Variants in KLF16 observed in about 807,000 individuals in gnomAD.
KLF16 encodes the protein Krueppel-like factor 16.
Under a neutral mutation model 6.1 loss-of-function variants are expected in KLF16, and 6 were observed. The ratio of observed to expected loss-of-function variants is 0.98; its 90% CI spans 0.54 to 1.93. The LOEUF is 1.93. Ranked by LOEUF, KLF16 falls within the 30% of genes most tolerant of loss-of-function variation. The pLI is 0.01. For missense variants in KLF16, 355 were observed against 363.8 expected, an observed-to-expected ratio of 0.98 and a Z score of 0.20; for synonymous variants, 211 against 176.5, an observed-to-expected ratio of 1.20 and a Z score of -1.55.
intron 1 of KLF16, among the ~76,000 whole-genome samples, chr19:1,856,787 T>C (rs544844493): frequency 1.3e-5 from 2 of 152,250 alleles, no homozygotes; most frequent in Admixed American, 6.5e-5. Context: ...TGCCGCCGTG[T>C]CGCCATCTTG....
chr19:1,858,517 C>G (rs1375913523), intron 1 of KLF16, among the ~76,000 whole-genome samples: 2 of 152,184 alleles, frequency 1.3e-5, no homozygotes. Flanking sequence ...ACGGCTGGGT[C>G]CCCGGCAATG....
chr19:1,863,547 G>C lies in KLF16; in HGVS notation c.-50C>G, dbSNP rs1180759738. The C allele has an allele frequency of 4.4e-6, 4 of 911,614 alleles. No homozygotes were observed. Among genetic ancestry groups the C allele is most frequent in the Non-Finnish European group, 5.2e-6 (4 of 764,916 alleles). 56.5% of individuals were successfully genotyped at this position (911,614 alleles called of 1,614,324 possible). On this transcript the variant is annotated 5_prime_UTR_variant, in exon 1 of 2. Coordinates refer to ENST00000250916, the MANE Select transcript of KLF16 (RefSeq NM_031918.4). ...CGGGCGGAGCGGAGGCGGCGGGAGC[G>C]GCGTCCGTCCGGCCGGCGGCGGCTG...
the KLF16 span, among the ~76,000 whole-genome samples, chr19:1,870,479 C>G: frequency 6.6e-6 from 1 of 151,748 alleles, no homozygotes; most frequent in African/African-American, 2.4e-5. Context: ...CGAGACCAGC[C>G]TGGGCAACAA....
chr19:1,872,820 G>A, the KLF16 span, among the ~76,000 whole-genome samples: 157 of 149,348 alleles, frequency 1.1e-3, no homozygotes, highest in African/African-American at 3.8e-3. Context: ...TGTGAAGATC[G>A]ACGTGGCCCG....
In KLF16 at chr19:1,852,957, C is replaced by T. The variant is rs1026938570; in HGVS notation, c.*1502G>A. 3 of 152,220 alleles carry T rather than the reference C, an allele frequency of 2.0e-5. No individual in the cohort carries two copies. The highest frequency in any genetic ancestry group is 4.4e-5 in the Non-Finnish European group (3 of 68,094). The allele number at this position is 152,220 out of a possible 1,614,324, so 9.4% of individuals were successfully genotyped here. A position where few individuals can be genotyped will look rare whatever the true frequency, so the allele number is the denominator to read the frequency against. ...CATCCAAAGCCCCCCTGTCCCCAAG[C>T]GAGAGGCAGGACGGTTCTGGAACAA... On this transcript the variant is annotated 3_prime_UTR_variant, in exon 2 of 2. Transcript: ENST00000250916.
In KLF16 at chr19:1,857,710, G is replaced by A. The variant is rs570146745; in HGVS notation, c.458-2950C>T. ...GCCGGCTGCCTGCCGGGGCACTCAC[G>A]TCCACCTAACAGGTGGGGTCGGGTC... On this transcript the variant is annotated intron_variant, in intron 1 of 1. Transcript: ENST00000250916. This position sits in a 1 kb window ranked among gnomAD's most constrained non-coding sequence, Gnocchi z 4.7. Among the ~76,000 whole-genome samples the A allele has an allele frequency of 2.6e-5, 4 of 152,004 alleles. No homozygotes were observed. Among genetic ancestry groups the A allele is most frequent in the Non-Finnish European group, 4.4e-5 (3 of 67,932 alleles).
chr19:1,865,809 G>A (rs1472987625), upstream of KLF16, among the ~76,000 whole-genome samples: 2 of 152,206 alleles, frequency 1.3e-5, no homozygotes, highest in African/African-American at 2.4e-5. Context: ...GGTGAACACA[G>A]ACAAACCTCC....
At chr19:1,867,679 G>A (rs1408898611), upstream of KLF16, among the ~76,000 whole-genome samples, 2 of 152,010 alleles carry the variant, frequency 1.3e-5, no homozygotes, top group African/African-American at 4.8e-5. Flanking sequence ...CAGCCTGGTC[G>A]ACATGATGAA....
intron 1 of KLF16, among the ~76,000 whole-genome samples, chr19:1,855,472 G>A (rs1007843134): frequency 1.2e-4 from 18 of 152,182 alleles, no homozygotes; most frequent in African/African-American, 4.1e-4. Context: ...GGCTGGACTC[G>A]CCCCACCCCC....
Position 1,853,218 on chromosome 19 carries a change from A to C in KLF16, c.*1241T>G, listed in dbSNP as rs1568730521. ...TCAGAGACCCCCCACACACACTCAC[A>C]CCCCCTGAGGATGCCGGACCACCCA... On this transcript the variant is annotated 3_prime_UTR_variant, in exon 2 of 2. Transcript: ENST00000250916. 2 of 144,220 alleles carry C rather than the reference A, an allele frequency of 1.4e-5. No individual in the cohort carries two copies. The highest frequency in any genetic ancestry group is 2.2e-4 in the South Asian group (1 of 4,466). 8.9% of individuals were successfully genotyped at this position (144,220 alleles called of 1,614,324 possible).
At chr19:1,873,595 T>C in the KLF16 span, among the ~76,000 whole-genome samples, 1 of 151,856 alleles carries the variant, frequency 6.6e-6, no homozygotes, top group Non-Finnish European at 1.5e-5. Context: ...GGGAGAACGC[T>C]GTTGCAGGGC....
the KLF16 span, among the ~76,000 whole-genome samples, chr19:1,876,323 C>A: frequency 2.0e-5 from 3 of 152,244 alleles, no homozygotes; most frequent in African/African-American, 2.4e-5. Context: ...GCCTCGCCAC[C>A]GCCTGGTCGC....
chr19:1,867,968 G>C (rs561477406), upstream of KLF16, among the ~76,000 whole-genome samples: 1 of 151,754 alleles, frequency 6.6e-6, no homozygotes, highest in African/African-American at 2.4e-5. Context: ...GTGTGCGTGC[G>C]CGCATGCACT....
At chr19:1,864,872 C>G (rs998083092), upstream of KLF16, among the ~76,000 whole-genome samples, 1 of 152,206 alleles carries the variant, frequency 6.6e-6, no homozygotes, top group Non-Finnish European at 1.5e-5. Context: ...CTTCCCAGCT[C>G]CGGCGGGGCG....
chr19:1,856,187 G>A (rs12974664), intron 1 of KLF16, among the ~76,000 whole-genome samples: 58,907 of 151,906 alleles, frequency 0.39, 13,446 homozygotes, highest in Non-Finnish European at 0.53. Context: ...GTACAGAGAC[G>A]GCGGGAGGGG....
chr19:1,874,303 G>A, the KLF16 span, among the ~76,000 whole-genome samples: 1 of 152,160 alleles, frequency 6.6e-6, no homozygotes, highest in African/African-American at 2.4e-5. Context: ...TGGGGTTCTG[G>A]AAAACTGGGA....
At chr19:1,866,794 AGG>A (rs1309623946), upstream of KLF16, among the ~76,000 whole-genome samples, 1 of 150,416 alleles carries the variant, frequency 6.6e-6, no homozygotes, top group African/African-American at 2.4e-5. Flanking sequence ...AAAAAAAAAA[AGG>A]AGTTGTCATT....
the KLF16 span, among the ~76,000 whole-genome samples, chr19:1,874,178 C>G: frequency 5.3e-5 from 8 of 152,206 alleles, no homozygotes; most frequent in South Asian, 1.2e-3. Context: ...TCAATGTTTT[C>G]AAAGAAGATC....
At chr19:1,868,491 T>A (rs1423448146), upstream of KLF16, among the ~76,000 whole-genome samples, 4 of 86,862 alleles carry the variant, frequency 4.6e-5, no homozygotes, top group East Asian at 3.2e-4. Flanking sequence ...TTTTTTTTTT[T>A]TTTTTTTGAG....
Sources: allele counts gnomAD v4.1 joint callset (sites outside exome capture counted in the v4.1 genomes callset), GRCh38; gene constraint gnomAD v4.1.1; non-coding constraint Gnocchi (gnomAD v3.1); transcripts MANE v1.5; gene names NCBI Gene and HGNC (gene_info 2026-07-23, HGNC 2026-07-21).